Variants in AGAP1 observed in about 807,000 individuals in gnomAD.
AGAP1 encodes the protein arf-GAP with GTPase, ANK repeat and PH domain-containing protein 1.
In AGAP1, 29 loss-of-function variants were observed where a neutral mutation model predicts 105.3. The ratio of observed to expected loss-of-function variants is 0.28; its 90% CI spans 0.21 to 0.38. The LOEUF (loss-of-function observed/expected upper bound fraction) is 0.38, where lower values mean the gene tolerates loss of function less well. AGAP1 is among the 10% of genes least tolerant of loss of function. The probability of loss-of-function intolerance (pLI) is 1.00; values close to 1 mark genes in which losing one functional copy is unlikely to be tolerated. For missense variants in AGAP1, 998 were observed against 1,165.1 expected (o/e 0.86, Z 2.09); for synonymous variants, 509 against 485.9 (o/e 1.05, Z -0.63).
intron 9 of AGAP1, among the ~76,000 whole-genome samples, chr2:235,851,230 G>T (rs1191206413): frequency 6.6e-6 from 1 of 152,234 alleles, no homozygotes; most frequent in Non-Finnish European, 1.5e-5. Flanking sequence ...CAGGCTGTCA[G>T]TGCTGAATAT....
intron 11 of AGAP1, among the ~76,000 whole-genome samples, chr2:235,924,893 C>T (rs1443982482): frequency 6.6e-6 from 1 of 152,144 alleles, no homozygotes; most frequent in East Asian, 1.9e-4. Context: ...TTACTCTGTC[C>T]ACATCCCCTG....
At chr2:236,093,962 A>G (rs1025254947) in intron 16 of AGAP1, among the ~76,000 whole-genome samples, 9 of 152,234 alleles carry the variant, frequency 5.9e-5, no homozygotes, top group Non-Finnish European at 1.0e-4. Flanking sequence ...CAAATAGGCA[A>G]TGATAACCTA....
intron 1 of AGAP1, among the ~76,000 whole-genome samples, chr2:235,703,776 T>G (rs985581871): frequency 5.9e-5 from 9 of 152,118 alleles, no homozygotes; most frequent in African/African-American, 2.2e-4. Flanking sequence ...TTTGTATTTT[T>G]AGTAGAGATG....
intron 1 of AGAP1, among the ~76,000 whole-genome samples, chr2:235,667,555 C>T (rs74551922): frequency 0.038 from 5,707 of 152,178 alleles, 293 homozygotes; most frequent in African/African-American, 0.11. Context: ...GTCTCCGAGC[C>T]TCTGCATCTC....
rs565502304 is a variant in AGAP1 at position 236,012,370 on chromosome 2, C to T, written c.1646-24191C>T. Among the ~76,000 whole-genome samples, 7 of 152,152 alleles carry T rather than the reference C, an allele frequency of 4.6e-5. No homozygotes were observed. The highest frequency in any genetic ancestry group is 1.7e-4 in the African/African-American group (7 of 41,516). ...TAAGTTGTACTCTTGAGGAGTGCAG[C>T]CTTCTCATGGCTACCTCTTTCTGGA... On this transcript the variant is annotated intron_variant, in intron 13 of 17. Coordinates refer to ENST00000304032, the MANE Select transcript of AGAP1 (RefSeq NM_001037131.3). The surrounding 1 kb of genome is among the most constrained non-coding windows in gnomAD (Gnocchi z 4.9).
intron 6 of AGAP1, among the ~76,000 whole-genome samples, chr2:235,785,670 T>G (rs1453169386): frequency 6.6e-6 from 1 of 152,234 alleles, no homozygotes; most frequent in Admixed American, 6.5e-5. Flanking sequence ...TTTGTGTAGT[T>G]TCTTTAGCTG....
In AGAP1 at chr2:235,799,729, C is replaced by A. The variant is rs1472690914; in HGVS notation, c.957+207C>A. 2.0e-5 allele frequency among the ~76,000 whole-genome samples: 3 copies of A among 152,134 alleles called. No homozygotes were observed. Among genetic ancestry groups the A allele is most frequent in the African/African-American group, 7.2e-5 (3 of 41,426 alleles). Reference sequence around the variant, plus strand: ...ATGGGAATTTCTTCATGTAGACATTCCTGACTTCGTGTGTCTGAAATGAAG... The same window carrying A: ...ATGGGAATTTCTTCATGTAGACATTACTGACTTCGTGTGTCTGAAATGAAG... On this transcript the variant is annotated intron_variant, in intron 8 of 17. Transcript: ENST00000304032. The surrounding 1 kb of genome is among the most constrained non-coding windows in gnomAD (Gnocchi z 5.0).
At chr2:235,511,909 T>TGA in intron 1 of AGAP1, among the ~76,000 whole-genome samples, 1 of 151,308 alleles carries the variant, frequency 6.6e-6, no homozygotes, top group Non-Finnish European at 1.5e-5. Flanking sequence ...TGAATGAGTA[T>TGA]GTGGATGTGT....
chr2:235,530,570 C>G (rs1446595166), intron 1 of AGAP1, among the ~76,000 whole-genome samples: 1 of 152,190 alleles, frequency 6.6e-6, no homozygotes, highest in Admixed American at 6.5e-5. Flanking sequence ...GCCCACACTC[C>G]TTGGCTCATG....
At chr2:235,532,459 G>T (rs1160165839) in intron 1 of AGAP1, among the ~76,000 whole-genome samples, 1 of 152,132 alleles carries the variant, frequency 6.6e-6, no homozygotes, top group Non-Finnish European at 1.5e-5. Context: ...TCCTGCCTCG[G>T]GCTCCCAGAA....
chr2:235,648,006 G>T (rs956913656), intron 1 of AGAP1, among the ~76,000 whole-genome samples: 1 of 152,188 alleles, frequency 6.6e-6, no homozygotes, highest in Admixed American at 6.5e-5. Context: ...ATGAGCACAT[G>T]TGGCTTCTTG....
At chr2:235,870,244 A>G (rs549876535) in intron 9 of AGAP1, among the ~76,000 whole-genome samples, 1 of 152,348 alleles carries the variant, frequency 6.6e-6, no homozygotes, top group African/African-American at 2.4e-5. Flanking sequence ...GGTTCCTTGC[A>G]TGTGGTCCTC....
At position 236,052,727 on chromosome 2, in the gene AGAP1, C is replaced by T. The variant is rs538753839; in HGVS notation, c.2114+3446C>T. 1.3e-4 allele frequency among the ~76,000 whole-genome samples: 20 copies of T among 152,200 alleles called. No individual in the cohort carries two copies. In the South Asian group the frequency reaches 3.5e-3, roughly 27 times the overall value. ...AACTGCCATTTTTTCCCAGTGCATTCGATATTAAATTTATTGTCGCAGGAG... is the reference window on the plus strand; with the variant it reads ...AACTGCCATTTTTTCCCAGTGCATTTGATATTAAATTTATTGTCGCAGGAG... On this transcript the variant is annotated intron_variant, in intron 16 of 17. Coordinates refer to ENST00000304032, the MANE Select transcript of AGAP1 (RefSeq NM_001037131.3).
chr2:236,054,364 C>G (rs947786443), intron 16 of AGAP1, among the ~76,000 whole-genome samples: 2 of 151,924 alleles, frequency 1.3e-5, no homozygotes, highest in African/African-American at 2.4e-5. Flanking sequence ...ACTGCCCACA[C>G]AGCCCCAGGA....
At chr2:235,628,561 A>C (rs1225047982) in intron 1 of AGAP1, among the ~76,000 whole-genome samples, 1 of 152,078 alleles carries the variant, frequency 6.6e-6, no homozygotes, top group Non-Finnish European at 1.5e-5. Flanking sequence ...TTGGGGGAAG[A>C]TGGAGACAAG....
At chr2:235,869,350 C>T (rs1362950378) in intron 9 of AGAP1, among the ~76,000 whole-genome samples, 4 of 141,098 alleles carry the variant, frequency 2.8e-5, no homozygotes, top group East Asian at 2.2e-4. Flanking sequence ...TTTGGAAGGC[C>T]GAGGCAGGTG....
intron 1 of AGAP1, among the ~76,000 whole-genome samples, chr2:235,595,119 T>A (rs1945482470): frequency 6.6e-6 from 1 of 151,894 alleles, no homozygotes; most frequent in Admixed American, 6.6e-5. Context: ...GAAAGGGAGT[T>A]TCAGAGAATA....
chr2:235,687,289 A>G (rs545553876), intron 1 of AGAP1, among the ~76,000 whole-genome samples: 1 of 152,150 alleles, frequency 6.6e-6, no homozygotes, highest in African/African-American at 2.4e-5. Flanking sequence ...TTTGAAGTCT[A>G]AAGTAGATAT....
In AGAP1 at chr2:235,586,337, G is replaced by A. The variant is rs1253423374; in HGVS notation, c.163+91488G>A. Among the ~76,000 whole-genome samples, 2 of 152,176 alleles carry A rather than the reference G, an allele frequency of 1.3e-5. No individual in the cohort carries two copies. Among genetic ancestry groups the A allele is most frequent in the South Asian group, 2.1e-4 (1 of 4,824 alleles). ...CTCACTCCACGAAGGATGCAGGTGG[G>A]CACACTGCTACAACCCCCTGGGTGT... On this transcript the variant is annotated intron_variant, in intron 1 of 17. Coordinates refer to ENST00000304032, the MANE Select transcript of AGAP1 (RefSeq NM_001037131.3). This position sits in a 1 kb window ranked among gnomAD's most constrained non-coding sequence, Gnocchi z 4.2.
Sources: gnomAD v4.1 joint callset for allele counts (sites outside exome capture counted in the v4.1 genomes callset) on GRCh38, gnomAD v4.1.1 for gene constraint, Gnocchi (gnomAD v3.1) non-coding constraint, MANE v1.5 for transcripts, NCBI Gene and HGNC (gene_info 2026-07-23, HGNC 2026-07-21) for gene names.